ELL2: variants seen among roughly 807,000 people sequenced by gnomAD.
ELL2 encodes the protein RNA polymerase II elongation factor ELL2.
A neutral mutation model predicts 72.8 loss-of-function variants in ELL2; 21 were observed. The observed-to-expected ratio is 0.29, with a 90% CI of 0.20 to 0.42. The LOEUF (loss-of-function observed/expected upper bound fraction) is 0.42. Ranked by LOEUF, ELL2 falls within the 10% of genes least tolerant of loss-of-function variation. The pLI is 1.00. For synonymous variants in ELL2, 266 were observed against 283.2 expected, an observed-to-expected ratio of 0.94 and a Z score of 0.61; for missense variants, 568 against 772.8, an observed-to-expected ratio of 0.73 and a Z score of 3.14.
chr5:95,942,053 C>T (rs1750988670), intron 2 of ELL2, among the ~76,000 whole-genome samples: 1 of 152,198 alleles, frequency 6.6e-6, no homozygotes, highest in Non-Finnish European at 1.5e-5. Context: ...TTACAAAACA[C>T]ATTTAGAAGT....
chr5:95,961,335 G>A (rs904303504), intron 1 of ELL2, among the ~76,000 whole-genome samples: 7 of 151,786 alleles, frequency 4.6e-5, no homozygotes, highest in African/African-American at 1.7e-4. Flanking sequence ...GCCGACCCAG[G>A]GCTGCGGCTG....
At chr5:95,893,350 G>A (rs1019782901) in intron 9 of ELL2, among the ~76,000 whole-genome samples, 29 of 152,194 alleles carry the variant, frequency 1.9e-4, no homozygotes, top group African/African-American at 4.1e-4. Flanking sequence ...AAATATTTTC[G>A]TTAAGTATGA....
At chr5:95,911,430 C>A (rs1381565211) in intron 4 of ELL2, among the ~76,000 whole-genome samples, 1 of 152,028 alleles carries the variant, frequency 6.6e-6, no homozygotes, top group African/African-American at 2.4e-5. Flanking sequence ...CTCCACCTCC[C>A]GGATTCAAGC....
rs1262927332 is a variant in ELL2, at chr5:95,888,357, C to G, written c.*514G>C. On this transcript the variant is annotated 3_prime_UTR_variant, in exon 12 of 12. Coordinates refer to ENST00000237853, the MANE Select transcript of ELL2 (RefSeq NM_012081.6). ...TACACCTTTCTATTTTTTAACCCTC[C>G]AAGACAATGTTTATTTTTTTAATTT... 6.6e-6 allele frequency: 1 copy of G among 152,616 alleles called. No individual in the cohort carries two copies. Among genetic ancestry groups the G allele is most frequent in the Non-Finnish European group, 1.5e-5 (1 of 68,206 alleles). The allele number at this position is 152,616 out of a possible 1,614,324, so 9.5% of individuals were successfully genotyped here.
At chr5:95,961,516 C>A in intron 1 of ELL2, 59 bp downstream of exon 1, 1 of 1,405,412 alleles carries the variant, frequency 7.1e-7, no homozygotes, top group East Asian at 3.0e-5. Context: ...CGGGCGCGGC[C>A]AGGCCGTGAG....
At chr5:95,894,249 A>C (rs374529367) in intron 9 of ELL2, among the ~76,000 whole-genome samples, 1 of 152,232 alleles carries the variant, frequency 6.6e-6, no homozygotes, top group Non-Finnish European at 1.5e-5. Context: ...TCAAAAACAA[A>C]AAAAGGGGGG....
chr5:95,938,340 T>C (rs911128757), intron 2 of ELL2, among the ~76,000 whole-genome samples: 1 of 152,234 alleles, frequency 6.6e-6, no homozygotes, highest in African/African-American at 2.4e-5. Flanking sequence ...GAAAAGTGTG[T>C]GTGACTCAGT....
rs1222160513 is a variant in ELL2, at chr5:95,886,148, T to C, written c.*2723A>G. On this transcript the variant is annotated 3_prime_UTR_variant, in exon 12 of 12. Transcript: ENST00000237853. Reference sequence around the variant, plus strand: ...AAAGAAAAAAAACTAGATAAATTCTTCCACCGGAGTAACTGACATTAAGTG... The same window carrying C: ...AAAGAAAAAAAACTAGATAAATTCTCCCACCGGAGTAACTGACATTAAGTG... The C allele has an allele frequency of 6.6e-6, 1 of 152,168 alleles. No homozygotes were observed. The highest frequency in any genetic ancestry group is 2.4e-5 in the African/African-American group (1 of 41,442). The allele number at this position is 152,168 out of a possible 1,614,324, so 9.4% of individuals were successfully genotyped here.
At chr5:95,940,582 C>T (rs151300237) in intron 2 of ELL2, among the ~76,000 whole-genome samples, 62 of 152,176 alleles carry the variant, frequency 4.1e-4, no homozygotes, top group African/African-American at 9.4e-4. Flanking sequence ...CTTAGTTATA[C>T]GTCAAATATG....
At chr5:95,922,808 C>T (rs377169258) in intron 2 of ELL2, among the ~76,000 whole-genome samples, 1 of 151,892 alleles carries the variant, frequency 6.6e-6, no homozygotes, top group Non-Finnish European at 1.5e-5. Flanking sequence ...TAAAAAGAAA[C>T]AAAGTTTTTA....
At chr5:95,907,296 A>ATATATATATATATATTTTTTTTTTTTTTT in intron 4 of ELL2, among the ~76,000 whole-genome samples, 1 of 116,520 alleles carries the variant, frequency 8.6e-6, no homozygotes, top group African/African-American at 4.1e-5. Context: ...ATATATATAT[A>ATATATATATATATATTTTTTTTTTTTTTT]TTTTTTTTTT....
rs1169301940 is a variant in ELL2, at chr5:95,954,596, CTT to C, written c.147+6977_147+6978del. On this transcript the variant is annotated intron_variant, in intron 1 of 11. Coordinates refer to ENST00000237853, the MANE Select transcript of ELL2 (RefSeq NM_012081.6). ...TAATTTTCTTTTCTTTTTTTTTTTTCTTTTTTTTTTTTTTTTTTGTATTTTAG... is the reference window on the plus strand; with the variant it reads ...TAATTTTCTTTTCTTTTTTTTTTTTCTTTTTTTTTTTTTTTTGTATTTTAG... 3.2e-3 allele frequency among the ~76,000 whole-genome samples: 340 copies of C among 105,824 alleles called. 1 individual carries two copies. Among genetic ancestry groups the C allele is most frequent in the African/African-American group, 9.6e-3 (246 of 25,568 alleles). The allele number at this position is 105,824 out of a possible 152,430, so 69.4% of individuals were successfully genotyped here. A position where few individuals can be genotyped will look rare whatever the true frequency, so the allele number is the denominator to read the frequency against.
At chr5:95,920,494 T>C (rs1750015263) in intron 2 of ELL2, among the ~76,000 whole-genome samples, 1 of 151,730 alleles carries the variant, frequency 6.6e-6, no homozygotes, top group South Asian at 2.1e-4. Flanking sequence ...GTATTTTTAG[T>C]AGAGACGGGG....
At chr5:95,933,760 C>T (rs563092990) in intron 2 of ELL2, among the ~76,000 whole-genome samples, 2 of 151,570 alleles carry the variant, frequency 1.3e-5, no homozygotes, top group South Asian at 2.1e-4. Flanking sequence ...TGCCCTTTGA[C>T]CAATTACCTT....
chr5:95,896,379 C>A (rs767603652), intron 8 of ELL2, among the ~76,000 whole-genome samples: 1 of 151,896 alleles, frequency 6.6e-6, no homozygotes, highest in Non-Finnish European at 1.5e-5. Context: ...TGCACCATGT[C>A]CAGAGGATAT....
chr5:95,913,515 C>T, intron 4 of ELL2: 1 of 321,948 alleles, frequency 3.1e-6, no homozygotes, highest in Non-Finnish European at 5.6e-6. Flanking sequence ...GTGACCAGAT[C>T]CCAGTACTAT....
chr5:95,956,270 T>C (rs540875590), intron 1 of ELL2, among the ~76,000 whole-genome samples: 214 of 152,340 alleles, frequency 1.4e-3, no homozygotes, highest in Non-Finnish European at 1.8e-3. Flanking sequence ...CTCCGTTGCA[T>C]TGAGCAACTG....
At chr5:95,959,814 T>G (rs1029808136) in intron 1 of ELL2, among the ~76,000 whole-genome samples, 1 of 152,220 alleles carries the variant, frequency 6.6e-6, no homozygotes, top group Non-Finnish European at 1.5e-5. Flanking sequence ...GTAACACAAG[T>G]GTCCTAGCAC....
chr5:95,946,395 A>G (rs915505526), intron 1 of ELL2, among the ~76,000 whole-genome samples: 1 of 152,100 alleles, frequency 6.6e-6, no homozygotes, highest in African/African-American at 2.4e-5. Context: ...AAATCTGGCC[A>G]CTCTGCCCCA....
Sources: gnomAD v4.1 joint callset for allele counts (sites outside exome capture counted in the v4.1 genomes callset) on GRCh38, gnomAD v4.1.1 for gene constraint, MANE v1.5 for transcripts, NCBI Gene and HGNC (gene_info 2026-07-23, HGNC 2026-07-21) for gene names.